Variants in ACAP2 observed in about 807,000 individuals in gnomAD.
The protein encoded by ACAP2 is arf-GAP with coiled-coil, ANK repeat and PH domain-containing protein 2.
ACAP2 carries 39 observed loss-of-function variants against 115.8 expected under a neutral mutation model. That is an observed-to-expected ratio of 0.34 (90% CI 0.26 to 0.44). ACAP2 has a LOEUF of 0.44. Ranked by LOEUF, ACAP2 falls within the 20% of genes least tolerant of loss-of-function variation. The probability of loss-of-function intolerance (pLI) is 1.00; values close to 1 mark genes in which losing one functional copy is unlikely to be tolerated. For missense variants in ACAP2, 662 were observed against 927.6 expected (o/e 0.71, Z 3.72); for synonymous variants, 289 against 315.8 (o/e 0.92, Z 0.90).
intron 5 of ACAP2, among the ~76,000 whole-genome samples, 160 bp downstream of exon 5, chr3:195,345,099 T>C (rs968667292): frequency 6.6e-6 from 1 of 152,248 alleles, no homozygotes; most frequent in South Asian, 2.1e-4. Context: ...AATTTACTTA[T>C]AGAGTAATTT....
At chr3:195,410,958 C>T (rs766710294) in intron 1 of ACAP2, 2 of 373,904 alleles carry the variant, frequency 5.3e-6, no homozygotes, top group South Asian at 4.0e-5. Flanking sequence ...AGCTGGCCCT[C>T]ACCAGACACT....
intron 13 of ACAP2, among the ~76,000 whole-genome samples, chr3:195,306,016 G>A (rs1353812603): frequency 6.6e-6 from 1 of 151,916 alleles, no homozygotes; most frequent in African/African-American, 2.4e-5. Flanking sequence ...CATTTCTCAG[G>A]ACCCATTTAC....
chr3:195,336,899 A>G (rs756768063), intron 7 of ACAP2, 33 bp downstream of exon 7: 3 of 1,525,754 alleles, frequency 2.0e-6, no homozygotes, highest in East Asian at 4.5e-5. Flanking sequence ...TCATATTAAA[A>G]TATTTAAAAC....
intron 15 of ACAP2, among the ~76,000 whole-genome samples, chr3:195,301,337 C>G (rs958259414): frequency 6.6e-6 from 1 of 152,104 alleles, no homozygotes; most frequent in South Asian, 2.1e-4. Context: ...CCGCCCGCCT[C>G]GGCTTCCTAA....
intron 1 of ACAP2, among the ~76,000 whole-genome samples, chr3:195,409,272 GT>G (rs1560340327): frequency 2.0e-5 from 3 of 152,064 alleles, no homozygotes; most frequent in Non-Finnish European, 4.4e-5. Flanking sequence ...ACAAAAATCA[GT>G]TGCATTTCTA....
intron 22 of ACAP2, among the ~76,000 whole-genome samples, chr3:195,283,620 A>G (rs1182062821): frequency 1.3e-5 from 2 of 152,342 alleles, no homozygotes; most frequent in East Asian, 3.9e-4. Context: ...TGAGCCAAAC[A>G]TACCTGTCTC....
intron 22 of ACAP2, chr3:195,285,396 T>A (rs1726776268): frequency 6.3e-6 from 1 of 158,954 alleles, no homozygotes; most frequent in Non-Finnish European, 1.4e-5. Context: ...TTTTGTTATA[T>A]TCACTTGACA....
At chr3:195,380,588 C>T (rs1293245028) in intron 4 of ACAP2, among the ~76,000 whole-genome samples, 5 of 152,032 alleles carry the variant, frequency 3.3e-5, no homozygotes, top group African/African-American at 7.2e-5. Flanking sequence ...GAATATAGCA[C>T]TCTTTAATAT....
intron 1 of ACAP2, among the ~76,000 whole-genome samples, chr3:195,429,202 A>G (rs576501375): frequency 6.6e-6 from 1 of 152,160 alleles, no homozygotes; most frequent in South Asian, 2.1e-4. Context: ...AGCCTGGCCA[A>G]CATGATAAAA....
intron 1 of ACAP2, among the ~76,000 whole-genome samples, chr3:195,424,915 TAAAAAAAAAAAAAA>T (rs34038109): frequency 1.8e-5 from 1 of 55,646 alleles, no homozygotes; most frequent in Non-Finnish European, 3.2e-5. Context: ...GACCCTGTCT[TAAAAAAAAAAAAAA>T]AAAAAAAAAA....
At position 195,278,402 on chromosome 3, in the gene ACAP2, G is replaced by A. The variant is rs74476062; in HGVS notation, c.*926C>T. 4.0e-4 allele frequency: 60 copies of A among 151,830 alleles called. No homozygotes were observed. The highest frequency in any genetic ancestry group is 1.4e-3 in the African/African-American group (59 of 41,518). 9.4% of individuals were successfully genotyped at this position (151,830 alleles called of 1,614,324 possible). On this transcript the variant is annotated 3_prime_UTR_variant, in exon 23 of 23. Transcript: ENST00000326793. ...GATTTTTCTTTCACTAGGAGCAACA[G>A]CAAAACTATCTTTAAAAGGACAAAT...
At chr3:195,309,099 A>G (rs1210339472) in intron 10 of ACAP2, among the ~76,000 whole-genome samples, 1 of 152,256 alleles carries the variant, frequency 6.6e-6, no homozygotes, top group African/African-American at 2.4e-5. Context: ...TCCTAACAAA[A>G]GCAGTTATCC....
chr3:195,344,468 T>C (rs1731067661), intron 5 of ACAP2, among the ~76,000 whole-genome samples: 1 of 152,196 alleles, frequency 6.6e-6, no homozygotes. Context: ...TCTAGTTCTA[T>C]TTTATTTCAC....
intron 4 of ACAP2, among the ~76,000 whole-genome samples, chr3:195,367,559 C>A (rs936365335): frequency 3.9e-5 from 6 of 152,194 alleles, no homozygotes; most frequent in Non-Finnish European, 8.8e-5. Context: ...CACTCTCCCA[C>A]TCACACGGTA....
chr3:195,325,310 T>C (rs1729712525), intron 9 of ACAP2: 4 of 409,342 alleles, frequency 9.8e-6, no homozygotes, highest in South Asian at 5.4e-5. Context: ...TATCTGCACA[T>C]GAATGTTCAA....
chr3:195,381,070 A>G lies in ACAP2; in HGVS notation c.232-8T>C, dbSNP rs764990624. On this transcript the variant is annotated splice_region_variant and splice_polypyrimidine_tract_variant and intron_variant, in intron 3 of 22. Transcript: ENST00000326793. The stretch of plus-strand genomic sequence containing the variant: ...AAACTTGGTCAAACTTGTCTATGAG[A>G]AAAAAAGCAAAAGAAAACCAAATCA... The G allele has an allele frequency of 4.4e-6, 7 of 1,587,788 alleles. No homozygotes were observed. The African/African-American group carries it at 9.6e-5, about 22-fold the overall frequency.
intron 10 of ACAP2, among the ~76,000 whole-genome samples, chr3:195,314,977 C>T (rs778730954): frequency 6.6e-6 from 1 of 152,208 alleles, no homozygotes; most frequent in Non-Finnish European, 1.5e-5. Flanking sequence ...TTATCTATCA[C>T]CTAGAAAATA....
chr3:195,387,591 A>G (rs823306), intron 2 of ACAP2, among the ~76,000 whole-genome samples: 82,232 of 152,080 alleles, frequency 0.54, 23,752 homozygotes, highest in East Asian at 0.89. Flanking sequence ...GCGCACGCAC[A>G]CAACCACGCC....
intron 12 of ACAP2, among the ~76,000 whole-genome samples, chr3:195,307,020 T>C (rs1405968605): frequency 2.6e-5 from 4 of 152,150 alleles, no homozygotes; most frequent in Non-Finnish European, 5.9e-5. Context: ...TTTATGGAAT[T>C]TAAAGAATAG....
Sources: gnomAD v4.1 joint callset for allele counts (sites outside exome capture counted in the v4.1 genomes callset) on GRCh38, gnomAD v4.1.1 for gene constraint, MANE v1.5 for transcripts, NCBI Gene and HGNC (gene_info 2026-07-23, HGNC 2026-07-21) for gene names.